MAN1A2: variants seen among roughly 807,000 people sequenced by gnomAD.
The protein encoded by MAN1A2 is mannosidase alpha class 1A member 2, also known as mannosyl-oligosaccharide 1,2-alpha-mannosidase IB.
Under a neutral mutation model 75.7 loss-of-function variants are expected in MAN1A2, and 26 were observed. The ratio of observed to expected loss-of-function variants is 0.34; its 90% CI spans 0.25 to 0.48. The LOEUF is 0.48. MAN1A2 is among the 20% of genes least tolerant of loss of function. MAN1A2 has a pLI of 0.99. For synonymous variants in MAN1A2, 247 were observed against 264.6 expected (o/e 0.93, Z 0.65); for missense variants, 562 against 775.5 (o/e 0.72, Z 3.27).
rs899002098 is a variant in MAN1A2, at chr1:117,525,258, A to G, written c.*2301A>G. On this transcript the variant is annotated 3_prime_UTR_variant, in exon 13 of 13. Transcript: ENST00000356554. ...GGAAGGGTCTTCTTCACCACTCCTT[A>G]CCTTCTATGTGATGGAAAGACTAGA... 2 of 390,322 alleles carry G rather than the reference A, an allele frequency of 5.1e-6. No individual in the cohort carries two copies. The highest frequency in any genetic ancestry group is 1.4e-4 in the East Asian group (2 of 13,996). 24.2% of individuals were successfully genotyped at this position (390,322 alleles called of 1,614,324 possible).
At chr1:117,471,245 A>T (rs745739728) in intron 8 of MAN1A2, among the ~76,000 whole-genome samples, 1 of 151,892 alleles carries the variant, frequency 6.6e-6, no homozygotes, top group Non-Finnish European at 1.5e-5. Flanking sequence ...TAGATAATTT[A>T]TTTAACTTCT....
At chr1:117,399,303 G>A (rs1292385582) in intron 1 of MAN1A2, among the ~76,000 whole-genome samples, 1 of 152,160 alleles carries the variant, frequency 6.6e-6, no homozygotes, top group Non-Finnish European at 1.5e-5. Context: ...AAACATGGTC[G>A]GGGATTCCAC....
At chr1:117,479,170 T>C (rs56296883) in intron 8 of MAN1A2, among the ~76,000 whole-genome samples, 37,954 of 151,616 alleles carry the variant, frequency 0.25, 5,538 homozygotes, top group East Asian at 0.47. Context: ...TGAGAACATA[T>C]GGTGTTTGGT....
intron 1 of MAN1A2, among the ~76,000 whole-genome samples, chr1:117,371,403 TTACGAA>T (rs1175118902): frequency 6.6e-6 from 1 of 152,178 alleles, no homozygotes; most frequent in African/African-American, 2.4e-5. Flanking sequence ...GTGATGAATG[TTACGAA>T]GTTGTACTCA....
intron 5 of MAN1A2, among the ~76,000 whole-genome samples, chr1:117,423,885 C>CTTTTT (rs568455134): frequency 7.1e-6 from 1 of 141,012 alleles, no homozygotes. Flanking sequence ...TTCTTTCTTT[C>CTTTTT]TTTTTTTTTT....
Position 117,467,902 on chromosome 1 carries a change from G to A in MAN1A2, c.1168+1475G>A, listed in dbSNP as rs192797731. Reference sequence around the variant, plus strand: ...TTCTATATGGTATTACTATTTAAATGTAAAAGATGAAATCATAAAAGTACT... The same window carrying A: ...TTCTATATGGTATTACTATTTAAATATAAAAGATGAAATCATAAAAGTACT... On this transcript the variant is annotated intron_variant, in intron 8 of 12. Transcript: ENST00000356554. Among the ~76,000 whole-genome samples the A allele has an allele frequency of 2.0e-4, 31 of 152,036 alleles. 1 individual carries two copies. Among genetic ancestry groups the A allele is most frequent in the African/African-American group, 7.0e-4 (29 of 41,488 alleles).
chr1:117,424,853 C>A (rs1557944358), intron 5 of MAN1A2, among the ~76,000 whole-genome samples: 1 of 152,070 alleles, frequency 6.6e-6, no homozygotes, highest in Non-Finnish European at 1.5e-5. Flanking sequence ...TCCCCTTGAC[C>A]CAAAACTTCT....
intron 1 of MAN1A2, 98 bp downstream of exon 1, chr1:117,368,583 A>G (rs564553699): frequency 1.8e-6 from 2 of 1,129,714 alleles, no homozygotes; most frequent in East Asian, 4.7e-5. Flanking sequence ...GTAAAATGTA[A>G]TTTTTCGAGT....
chr1:117,436,400 T>A (rs1648851069), intron 5 of MAN1A2, among the ~76,000 whole-genome samples: 1 of 152,096 alleles, frequency 6.6e-6, no homozygotes, highest in South Asian at 2.1e-4. Flanking sequence ...TAATGACTGA[T>A]GTCTTTGAGG....
At chr1:117,416,318 CTG>C (rs1557940915) in intron 4 of MAN1A2, among the ~76,000 whole-genome samples, 1 of 152,062 alleles carries the variant, frequency 6.6e-6, no homozygotes, top group Non-Finnish European at 1.5e-5. Flanking sequence ...AGCTTGATGT[CTG>C]TATCTGAATC....
At chr1:117,421,360 TATAAAG>T (rs1320723060) in intron 5 of MAN1A2, among the ~76,000 whole-genome samples, 1 of 152,124 alleles carries the variant, frequency 6.6e-6, no homozygotes, top group Non-Finnish European at 1.5e-5. Context: ...TTATATGTAT[TATAAAG>T]ATACATATCT....
chr1:117,418,980 T>C (rs539304070), intron 4 of MAN1A2, among the ~76,000 whole-genome samples: 1 of 152,234 alleles, frequency 6.6e-6, no homozygotes, highest in East Asian at 1.9e-4. Context: ...GAGTGATTTG[T>C]TCAGTTATGT....
At chr1:117,429,848 G>T (rs1648544670) in intron 5 of MAN1A2, among the ~76,000 whole-genome samples, 2 of 72,234 alleles carry the variant, frequency 2.8e-5, no homozygotes, top group African/African-American at 5.1e-5. Flanking sequence ...CGGCTGGCCG[G>T]GCGGGGGGCC....
chr1:117,466,397 T>A lies in MAN1A2; in HGVS notation c.1138T>A (p.Leu380Met), dbSNP rs756184882. ...TCCAAATGGTCTTTATCCAAATTAT[T>A]TGAACCCCAGAACAGGGCGCTGGGG... Reference protein sequence around the residue: ...DRPNGLYPNYLNPRTGRWGQY... With the variant: ...DRPNGLYPNYMNPRTGRWGQY... Residue 380 changes from leucine to methionine, a missense_variant, in exon 8 of 13, where the codon TTG becomes ATG. Leu to Met is a conservative substitution (Grantham distance 15). This residue lies in a region of MAN1A2 where 434 missense variants were observed against 645.7 expected (regional missense o/e 0.67). Transcript: ENST00000356554. The A allele has an allele frequency of 3.1e-6, 5 of 1,612,012 alleles. No individual in the cohort carries two copies. In the South Asian group the frequency reaches 5.5e-5, roughly 18 times the overall value.
rs1220135311 is a variant in MAN1A2, at chr1:117,381,896, T to C, written c.302+13411T>C. On this transcript the variant is annotated intron_variant, in intron 1 of 12. Transcript: ENST00000356554. ...TGCCATTCTAACTGGTGTGAGATGG[T>C]ATCTCATTGTGGTTTTGATTTGCAT... 2.6e-5 allele frequency among the ~76,000 whole-genome samples: 4 copies of C among 151,916 alleles called. No homozygotes were observed. The East Asian group carries it at 7.7e-4, about 29-fold the overall frequency.
At chr1:117,401,897 A>G (rs1278968300) in intron 1 of MAN1A2, among the ~76,000 whole-genome samples, 1 of 150,992 alleles carries the variant, frequency 6.6e-6, no homozygotes, top group African/African-American at 2.4e-5. Context: ...TTTAGTTTTC[A>G]CTGGTGTCTG....
At chr1:117,453,072 CAG>C (rs1649474334) in intron 6 of MAN1A2, among the ~76,000 whole-genome samples, 1 of 152,176 alleles carries the variant, frequency 6.6e-6, no homozygotes. Context: ...CTGTTGATGG[CAG>C]AGTTTAAGCC....
chr1:117,394,216 G>T (rs531729430), intron 1 of MAN1A2, among the ~76,000 whole-genome samples: 2 of 152,024 alleles, frequency 1.3e-5, no homozygotes, highest in Non-Finnish European at 2.9e-5. Context: ...TGAGTAGCTG[G>T]GACTACAGGC....
chr1:117,492,870 G>T (rs1650925355), intron 8 of MAN1A2, among the ~76,000 whole-genome samples: 2 of 152,042 alleles, frequency 1.3e-5, no homozygotes, highest in African/African-American at 4.8e-5. Flanking sequence ...CTCTATGACA[G>T]TGAACAAACT....
Sources: gnomAD v4.1 joint callset for allele counts (sites outside exome capture counted in the v4.1 genomes callset) on GRCh38, gnomAD v4.1.1 for gene constraint, gnomAD v4.1.1 regional missense constraint, MANE v1.5 for transcripts, NCBI Gene and HGNC (gene_info 2026-07-23, HGNC 2026-07-21) for gene names.